The following ZNF423 variants were observed in gnomAD, a reference collection of about 807,000 sequenced individuals.
ZNF423 encodes the protein zinc finger protein 423.
Under a neutral mutation model 95.8 loss-of-function variants are expected in ZNF423, and 12 were observed. The ratio of observed to expected loss-of-function variants is 0.13; its 90% CI spans 0.08 to 0.20. The LOEUF is 0.20. Ranked by LOEUF, ZNF423 falls within the 10% of genes least tolerant of loss-of-function variation. The probability of loss-of-function intolerance (pLI) is 1.00; values close to 1 mark genes in which losing one functional copy is unlikely to be tolerated. For missense variants in ZNF423, 1,316 were observed against 1,737.1 expected, an observed-to-expected ratio of 0.76 and a Z score of 4.31; for synonymous variants, 749 against 711.9, an observed-to-expected ratio of 1.05 and a Z score of -0.83.
chr16:49,636,764 C>T lies in ZNF423; in HGVS notation c.2412G>A (p.Leu804=), dbSNP rs1220225343. The T allele has an allele frequency of 3.1e-6, 5 of 1,613,920 alleles. No homozygotes were observed. The highest frequency in any genetic ancestry group is 4.2e-6 in the Non-Finnish European group (5 of 1,179,966). ...CGETFSTEVE[L]QCHITTHSKK... Reference sequence around the variant, plus strand: ...TGCTGTGTGTGGTGATGTGGCACTGCAGCTCCACCTCGGTGCTGAAGGTCT... The same window carrying T: ...TGCTGTGTGTGGTGATGTGGCACTGTAGCTCCACCTCGGTGCTGAAGGTCT... The change falls in exon 4 of 8, where the codon CTG becomes CTA. Residue 804 remains leucine (L), a synonymous_variant. Transcript: ENST00000563137. The surrounding 1 kb of genome is among the most constrained non-coding windows in gnomAD (Gnocchi z 8.6).
intron 5 of ZNF423, among the ~76,000 whole-genome samples, chr16:49,582,436 A>G (rs1264275218): frequency 6.6e-6 from 1 of 152,272 alleles, no homozygotes; most frequent in Non-Finnish European, 1.5e-5. Context: ...GTGTGATTAA[A>G]TAAGTTACGG....
chr16:49,730,541 G>C (rs112118099), intron 3 of ZNF423: 7,077 of 572,436 alleles, frequency 0.012, 392 homozygotes, highest in African/African-American at 0.12. Flanking sequence ...CGGGGAGAGG[G>C]GGCCGGGACA....
At chr16:49,708,807 C>A (rs1179383547) in intron 3 of ZNF423, among the ~76,000 whole-genome samples, 5 of 152,204 alleles carry the variant, frequency 3.3e-5, no homozygotes, top group African/African-American at 1.2e-4. Context: ...ACACCCTCAG[C>A]TCCACAGTGA....
At chr16:49,558,198 G>T (rs886500169) in intron 5 of ZNF423, among the ~76,000 whole-genome samples, 1 of 152,194 alleles carries the variant, frequency 6.6e-6, no homozygotes, top group African/African-American at 2.4e-5. Context: ...TGGGGCCCCA[G>T]ACCCCAGCAA....
intron 1 of ZNF423, among the ~76,000 whole-genome samples, chr16:49,795,777 G>T (rs1505110): frequency 6.6e-6 from 1 of 152,210 alleles, no homozygotes; most frequent in Non-Finnish European, 1.5e-5. Context: ...GATGGGCAAC[G>T]TCCAGCAGCC....
At chr16:49,647,154 C>G (rs1424116097) in intron 3 of ZNF423, among the ~76,000 whole-genome samples, 1 of 152,206 alleles carries the variant, frequency 6.6e-6, no homozygotes, top group Admixed American at 6.5e-5. Flanking sequence ...CCACCATGCA[C>G]AAGCACAGTA....
At chr16:49,557,727 C>T (rs1335650244) in intron 5 of ZNF423, among the ~76,000 whole-genome samples, 1 of 152,168 alleles carries the variant, frequency 6.6e-6, no homozygotes, top group Non-Finnish European at 1.5e-5. Context: ...AAACTCATCT[C>T]CCATGAAGGC....
At chr16:49,504,320 C>G (rs1024416476) in intron 7 of ZNF423, among the ~76,000 whole-genome samples, 1 of 152,152 alleles carries the variant, frequency 6.6e-6, no homozygotes, top group African/African-American at 2.4e-5. Context: ...AATCCCAGCA[C>G]CTTGGGAGGC....
At position 49,709,168 on chromosome 16, in the gene ZNF423, T is replaced by TTATATATATATATATA. The variant is rs534895949; in HGVS notation, c.301+21602_301+21603insTATATATATATATATA. On this transcript the variant is annotated intron_variant, in intron 3 of 7. Coordinates refer to ENST00000563137, the MANE Select transcript of ZNF423 (RefSeq NM_001379286.1). ...AAAAACTCAAACGTTCAGCAGCCGT[T>TTATATATATATATATA]TATATATATATATATGAAAACGGAG... is the stretch of plus-strand genomic sequence containing the variant. 6.2e-3 allele frequency among the ~76,000 whole-genome samples: 581 copies of TTATATATATATATATA among 93,422 alleles called. 44 individuals carry two copies. Among genetic ancestry groups the TTATATATATATATATA allele is most frequent in the Admixed American group, 0.053 (517 of 9,680 alleles). 61.3% of individuals were successfully genotyped at this position (93,422 alleles called of 152,430 possible).
chr16:49,536,300 C>T (rs2151729582), intron 5 of ZNF423, among the ~76,000 whole-genome samples: 1 of 152,220 alleles, frequency 6.6e-6, no homozygotes, highest in East Asian at 1.9e-4. Context: ...CTGGACACCA[C>T]CCTCCAGCTG....
At chr16:49,715,973 A>G (rs2032693670) in intron 3 of ZNF423, among the ~76,000 whole-genome samples, 1 of 151,986 alleles carries the variant, frequency 6.6e-6, no homozygotes, top group South Asian at 2.1e-4. Flanking sequence ...GCTTGAGCCC[A>G]GGAGGTCGAT....
At chr16:49,734,716 G>A (rs1192324323) in intron 2 of ZNF423, among the ~76,000 whole-genome samples, 2 of 152,170 alleles carry the variant, frequency 1.3e-5, no homozygotes, top group East Asian at 1.9e-4. Context: ...TGTGAACGCC[G>A]ACCTGTCCGT....
intron 7 of ZNF423, among the ~76,000 whole-genome samples, chr16:49,504,192 C>G (rs529829283): frequency 6.6e-6 from 1 of 152,320 alleles, no homozygotes; most frequent in South Asian, 2.1e-4. Flanking sequence ...GATTGCACAA[C>G]AGTGTCAATG....
upstream of ZNF423, chr16:49,856,223 A>C (rs1597068167): frequency 1.2e-5 from 1 of 83,128 alleles, no homozygotes; most frequent in Non-Finnish European, 2.4e-5. Flanking sequence ...CCCTACCGCC[A>C]CCCTCACCCT....
chr16:49,709,368 G>T (rs1295103190), intron 3 of ZNF423, among the ~76,000 whole-genome samples: 1 of 151,830 alleles, frequency 6.6e-6, no homozygotes, highest in Non-Finnish European at 1.5e-5. Context: ...CTGAAGCAGG[G>T]GTTCTTCACA....
rs531463856 is a variant in ZNF423 at position 49,492,468 on chromosome 16, G to T, written c.3850-1164C>A. Among the ~76,000 whole-genome samples the T allele has an allele frequency of 3.3e-5, 5 of 151,228 alleles. No homozygotes were observed. The highest frequency in any genetic ancestry group is 3.3e-4 in the Admixed American group (5 of 15,268). On this transcript the variant is annotated intron_variant, in intron 7 of 7. Transcript: ENST00000563137. This position sits in a 1 kb window ranked among gnomAD's most constrained non-coding sequence, Gnocchi z 4.2. Reference sequence around the variant, plus strand: ...GTGATGCCAGTAGCCTCGCCCGGAGGCCGAGGCCGGGGCCGGGGCCGGGGC... The same window carrying T: ...GTGATGCCAGTAGCCTCGCCCGGAGTCCGAGGCCGGGGCCGGGGCCGGGGC...
chr16:49,700,023 C>T (rs1447923837), intron 3 of ZNF423, among the ~76,000 whole-genome samples: 2 of 152,016 alleles, frequency 1.3e-5, no homozygotes, highest in African/African-American at 2.4e-5. Context: ...GGGCTAGAAG[C>T]AGGGTTTCAA....
intron 7 of ZNF423, among the ~76,000 whole-genome samples, chr16:49,507,155 T>C (rs1473248280): frequency 6.6e-6 from 1 of 152,190 alleles, no homozygotes; most frequent in Non-Finnish European, 1.5e-5. Flanking sequence ...ATCTACCTCA[T>C]TGCCTTGTTA....
At chr16:49,679,781 T>G (rs2031274247) in intron 3 of ZNF423, among the ~76,000 whole-genome samples, 1 of 152,250 alleles carries the variant, frequency 6.6e-6, no homozygotes. Flanking sequence ...AGAAATGGCC[T>G]GAAACCTGGG....
Sources: gnomAD v4.1 joint callset for allele counts (sites outside exome capture counted in the v4.1 genomes callset) on GRCh38, gnomAD v4.1.1 for gene constraint, Gnocchi (gnomAD v3.1) non-coding constraint, MANE v1.5 for transcripts, NCBI Gene and HGNC (gene_info 2026-07-23, HGNC 2026-07-21) for gene names.